Variants in ANGPT2 observed in about 807,000 individuals in gnomAD.
ANGPT2 encodes angiopoietin-2.
ANGPT2 carries 28 observed loss-of-function variants against 62.9 expected under a neutral mutation model. That is an observed-to-expected ratio of 0.44 (90% CI 0.33 to 0.61). The LOEUF (loss-of-function observed/expected upper bound fraction) is 0.61. Ranked by LOEUF, ANGPT2 falls within the 20% of genes least tolerant of loss-of-function variation. ANGPT2 has a pLI of 0.03. For missense variants in ANGPT2, 727 were observed against 594.9 expected (o/e 1.22, Z -2.31); for synonymous variants, 284 against 207.8 (o/e 1.37, Z -3.15).
At chr8:6,530,784 C>A (rs1012220822) in intron 2 of ANGPT2, among the ~76,000 whole-genome samples, 1 of 152,086 alleles carries the variant, frequency 6.6e-6, no homozygotes, top group Non-Finnish European at 1.5e-5. Flanking sequence ...TCTATCATTT[C>A]ACTACTGTTT....
chr8:6,552,725 C>G lies in ANGPT2; in HGVS notation c.288+9922G>C, dbSNP rs570020477. Among the ~76,000 whole-genome samples the G allele has an allele frequency of 2.0e-5, 3 of 152,204 alleles. No homozygotes were observed. The South Asian group carries it at 6.2e-4, about 32-fold the overall frequency. On this transcript the variant is annotated intron_variant, in intron 1 of 8. Transcript: ENST00000629816. ...AAGTTCACTGATGTAGGTAAGAAAA[C>G]TGGTACCGTTTCTGAAGATACACAG... is the stretch of plus-strand genomic sequence containing the variant.
At chr8:6,527,758 A>C in intron 2 of ANGPT2, 82 bp from the exon 3 acceptor site, 1 of 1,264,486 alleles carries the variant, frequency 7.9e-7, no homozygotes, top group Non-Finnish European at 1.1e-6. Context: ...AAAGTACCCA[A>C]GCTACAGGAA....
chr8:6,560,399 G>A (rs953715975), intron 1 of ANGPT2, among the ~76,000 whole-genome samples: 3 of 152,136 alleles, frequency 2.0e-5, no homozygotes, highest in Non-Finnish European at 2.9e-5. Flanking sequence ...GAAAATCAGT[G>A]TTTATTATCA....
Position 6,513,677 on chromosome 8 carries a change from C to G in ANGPT2, c.1196+1G>C. 1 of 1,606,432 alleles carries G rather than the reference C, an allele frequency of 6.2e-7. No individual in the cohort carries two copies. Among genetic ancestry groups the G allele is most frequent in the Non-Finnish European group, 8.5e-7 (1 of 1,177,182 alleles). On this transcript the variant is annotated splice_donor_variant, in intron 7 of 8. Coordinates refer to ENST00000629816, the MANE Select transcript of ANGPT2 (RefSeq NM_001118887.2). LOFTEE classifies it high-confidence loss of function. ...CTTTCAATTACCATGAACTCACTTA[C>G]CTATAATTGAGTTCTTCACTTGAGA... is the stretch of plus-strand genomic sequence containing the variant.
rs1811947369 is a variant in ANGPT2, at chr8:6,500,502, C to T, written c.*2599G>A. On this transcript the variant is annotated 3_prime_UTR_variant, in exon 9 of 9. Transcript: ENST00000629816. ...GTTAATTTGTTTGTCACAGTTTATTCATTCAAAAGATTAATAGCTGAAAGA... is the reference window on the plus strand; with the variant it reads ...GTTAATTTGTTTGTCACAGTTTATTTATTCAAAAGATTAATAGCTGAAAGA... 1 of 154,304 alleles carries T rather than the reference C, an allele frequency of 6.5e-6. No homozygotes were observed. Among genetic ancestry groups the T allele is most frequent in the African/African-American group, 2.4e-5 (1 of 41,446 alleles). The allele number at this position is 154,304 out of a possible 1,614,324, so 9.6% of individuals were successfully genotyped here.
At chr8:6,533,010 C>T (rs1309781277) in intron 1 of ANGPT2, among the ~76,000 whole-genome samples, 1 of 152,242 alleles carries the variant, frequency 6.6e-6, no homozygotes, top group Non-Finnish European at 1.5e-5. Context: ...TTTTAACCTA[C>T]GGAATCACCA....
At chr8:6,507,262 A>G (rs1172597367) in intron 8 of ANGPT2, among the ~76,000 whole-genome samples, 3 of 152,148 alleles carry the variant, frequency 2.0e-5, no homozygotes, top group Non-Finnish European at 4.4e-5. Flanking sequence ...TAATGTAGTA[A>G]CTTTCATTTA....
chr8:6,524,587 T>C (rs934477465), intron 3 of ANGPT2, among the ~76,000 whole-genome samples: 4 of 152,208 alleles, frequency 2.6e-5, no homozygotes, highest in Non-Finnish European at 4.4e-5. Flanking sequence ...CAGAGATGTA[T>C]TGAACACCTA....
At chr8:6,558,664 A>G (rs1825034466) in intron 1 of ANGPT2, among the ~76,000 whole-genome samples, 5 of 152,216 alleles carry the variant, frequency 3.3e-5, no homozygotes, top group African/African-American at 1.2e-4. Flanking sequence ...GTGTCTCAAT[A>G]GAAGGTAAGG....
At chr8:6,505,646 A>G (rs1434029768) in intron 8 of ANGPT2, among the ~76,000 whole-genome samples, 1 of 130,150 alleles carries the variant, frequency 7.7e-6, no homozygotes, top group Non-Finnish European at 1.6e-5. Flanking sequence ...TATATTCTTT[A>G]TATCTATTTA....
At chr8:6,507,173 C>A (rs1265662935) in intron 8 of ANGPT2, among the ~76,000 whole-genome samples, 1 of 152,214 alleles carries the variant, frequency 6.6e-6, no homozygotes, top group Non-Finnish European at 1.5e-5. Context: ...GCTGGGATTA[C>A]AAGCGGGGGC....
intron 2 of ANGPT2, among the ~76,000 whole-genome samples, chr8:6,528,456 C>A (rs1296947528): frequency 6.6e-6 from 1 of 152,150 alleles, no homozygotes; most frequent in African/African-American, 2.4e-5. Flanking sequence ...TAATTTTTAG[C>A]CTGGGATTTC....
chr8:6,518,800 T>C (rs1436284062), intron 5 of ANGPT2, among the ~76,000 whole-genome samples: 1 of 152,216 alleles, frequency 6.6e-6, no homozygotes, highest in East Asian at 1.9e-4. Flanking sequence ...ACATTTAATA[T>C]ATACAGTTAT....
In ANGPT2 at chr8:6,502,881, C is replaced by T. The variant is rs953556067; in HGVS notation, c.*220G>A. 1.3e-5 allele frequency: 7 copies of T among 539,344 alleles called. No homozygotes were observed. Among genetic ancestry groups the T allele is most frequent in the South Asian group, 2.7e-5 (1 of 36,456 alleles). 33.4% of individuals were successfully genotyped at this position (539,344 alleles called of 1,614,324 possible). A position where few individuals can be genotyped will look rare whatever the true frequency, so the allele number is the denominator to read the frequency against. On this transcript the variant is annotated 3_prime_UTR_variant, in exon 9 of 9. Coordinates refer to ENST00000629816, the MANE Select transcript of ANGPT2 (RefSeq NM_001118887.2). The stretch of plus-strand genomic sequence containing the variant: ...TCTTTGCATAGGTGTTCTGTCTAAT[C>T]ACAATTATGGATGTTTAGGGTCTTG...
In ANGPT2 at chr8:6,521,395, C is replaced by T; in HGVS notation, c.582G>A (p.Lys194=). Reference sequence around the variant, plus strand: ...TGTGCTTGTCTTCCATAGCTAGCACCTTCTTTTCTAGGAAACTTGTAAGGA... The same window carrying T: ...TGTGCTTGTCTTCCATAGCTAGCACTTTCTTTTCTAGGAAACTTGTAAGGA... ...LQDKNSFLEK[K]VLAMEDKHII... Residue 194 remains lysine, a synonymous_variant, in exon 4 of 9, where the codon AAG becomes AAA. Transcript: ENST00000629816. 1 of 1,609,340 alleles carries T rather than the reference C, an allele frequency of 6.2e-7. No homozygotes were observed. The highest frequency in any genetic ancestry group is 1.7e-5 in the Admixed American group (1 of 59,438).
In ANGPT2 at chr8:6,509,080, A is replaced by G. The variant is rs1480755279; in HGVS notation, c.1197-18T>C. 5 of 1,610,584 alleles carry G rather than the reference A, an allele frequency of 3.1e-6. No homozygotes were observed. The highest frequency in any genetic ancestry group is 4.5e-5 in the East Asian group (2 of 44,858). On this transcript the variant is annotated intron_variant, in intron 7 of 8. Transcript: ENST00000629816. ...GGTGAATCCTGTAAGCGTGCAAAGA[A>G]AAAAAACACATTGGCTAGGGTCATT...
intron 1 of ANGPT2, among the ~76,000 whole-genome samples, chr8:6,539,102 TGGCAGA>T (rs937481323): frequency 6.6e-6 from 1 of 152,190 alleles, no homozygotes; most frequent in African/African-American, 2.4e-5. Context: ...CAGTACTTCA[TGGCAGA>T]GGCTGAGCCT....
At chr8:6,523,905 T>TA (rs5889174) in intron 3 of ANGPT2, among the ~76,000 whole-genome samples, 1 of 150,892 alleles carries the variant, frequency 6.6e-6, no homozygotes, top group South Asian at 2.1e-4. Context: ...TTTTTTTTTT[T>TA]AATAAGATAC....
Position 6,505,389 on chromosome 8 carries a change from A to G in ANGPT2, c.1328-2128T>C, listed in dbSNP as rs1221259918. Among the ~76,000 whole-genome samples, 4 of 64,402 alleles carry G rather than the reference A, an allele frequency of 6.2e-5. 1 individual carries two copies. Among genetic ancestry groups the G allele is most frequent in the African/African-American group, 2.0e-4 (4 of 20,414 alleles). The allele number at this position is 64,402 out of a possible 152,430, so 42.3% of individuals were successfully genotyped here. ...TATAGAATATATATATTCTTTCTATATGTATATAGAATATATATATTCTTT... is the reference window on the plus strand; with the variant it reads ...TATAGAATATATATATTCTTTCTATGTGTATATAGAATATATATATTCTTT... On this transcript the variant is annotated intron_variant, in intron 8 of 8. Coordinates refer to ENST00000629816, the MANE Select transcript of ANGPT2 (RefSeq NM_001118887.2).
Sources: allele counts gnomAD v4.1 joint callset (sites outside exome capture counted in the v4.1 genomes callset), GRCh38; gene constraint gnomAD v4.1.1; transcripts MANE v1.5; gene names NCBI Gene and HGNC (gene_info 2026-07-23, HGNC 2026-07-21).